EML3: variants seen among roughly 807,000 people sequenced by gnomAD.
EML3 encodes EMAP like 3.
A neutral mutation model predicts 106.7 loss-of-function variants in EML3; 53 were observed. The ratio of observed to expected loss-of-function variants is 0.50; its 90% CI spans 0.40 to 0.62. The LOEUF is 0.62. Ranked by LOEUF, EML3 falls within the 20% of genes least tolerant of loss-of-function variation. EML3 has a pLI of 0.00. For missense variants in EML3, 994 were observed against 1,209.1 expected (o/e 0.82, Z 2.64); for synonymous variants, 499 against 489.6 (o/e 1.02, Z -0.25).
At chr11:62,606,460 T>C (rs1405947190) in intron 12 of EML3, 3 of 572,002 alleles carry the variant, frequency 5.2e-6, no homozygotes, top group Admixed American at 3.1e-5. Flanking sequence ...AATCTGAACC[T>C]GAGATCTGGC....
At chr11:62,612,270 C>A in intron 1 of EML3, 166 bp downstream of exon 1, 1 of 626,414 alleles carries the variant, frequency 1.6e-6, no homozygotes, top group Non-Finnish European at 2.6e-6. Flanking sequence ...GACAGCAAGA[C>A]CCAAGCAACT....
At position 62,612,498 on chromosome 11, in the gene EML3, C is replaced by A. The variant is rs1436111868; in HGVS notation, c.-41G>T. 9.4e-6 allele frequency: 13 copies of A among 1,375,800 alleles called. No homozygotes were observed. Among genetic ancestry groups the A allele is most frequent in the Non-Finnish European group, 1.1e-5 (12 of 1,073,526 alleles). The allele number at this position is 1,375,800 out of a possible 1,614,324, so 85.2% of individuals were successfully genotyped here. A position where few individuals can be genotyped will look rare whatever the true frequency, so the allele number is the denominator to read the frequency against. On this transcript the variant is annotated 5_prime_UTR_variant, in exon 1 of 22. Coordinates refer to ENST00000394773, the MANE Select transcript of EML3 (RefSeq NM_153265.3). ...CTCCGAGCGGCGGCGGCGGAGGAGG[C>A]GTCTAAGCCGCGGGGGCCACGGCCG...
At position 62,607,114 on chromosome 11, in the gene EML3, G is replaced by A. The variant is rs574569610; in HGVS notation, c.1363-15C>T. 2 of 1,613,238 alleles carry A rather than the reference G, an allele frequency of 1.2e-6. No homozygotes were observed. Among genetic ancestry groups the A allele is most frequent in the African/African-American group, 1.3e-5 (1 of 75,036 alleles). ...TTCTTGTATTTCTAGTGGGAGGGGA[G>A]AGCAGACAGTAGAGGTCAAAGGGAA... is the stretch of plus-strand genomic sequence containing the variant. On this transcript the variant is annotated splice_polypyrimidine_tract_variant and intron_variant, in intron 11 of 21. Coordinates refer to ENST00000394773, the MANE Select transcript of EML3 (RefSeq NM_153265.3).
At position 62,612,557 on chromosome 11, in the gene EML3, C is replaced by A. The variant is rs1942888965; in HGVS notation, c.-100G>T. 8.4e-7 allele frequency: 1 copy of A among 1,187,600 alleles called. No homozygotes were observed. Among genetic ancestry groups the A allele is most frequent in the South Asian group, 2.3e-5 (1 of 43,220 alleles). The allele number at this position is 1,187,600 out of a possible 1,614,324, so 73.6% of individuals were successfully genotyped here. On this transcript the variant is annotated 5_prime_UTR_variant, in exon 1 of 22. Transcript: ENST00000394773. ...GGAAGGGGAAGCACCCCGGGGCGCG[C>A]GCGAAGGGCGCCGTACCACCACCCC...
In EML3 at chr11:62,603,978, T is replaced by C. The variant is rs1334052063; in HGVS notation, c.2135A>G (p.Asp712Gly). 6.2e-7 allele frequency: 1 copy of C among 1,614,022 alleles called. No individual in the cohort carries two copies. The highest frequency in any genetic ancestry group is 8.5e-7 in the Non-Finnish European group (1 of 1,180,018). ...GCCAAAGCGGCTGGATTTGGCACCA[T>C]CACTGGAAACACTATAGATGTAGAT... ...NVIYIYSVSSDGAKSSRFGRC... is the reference protein window; with the variant it reads ...NVIYIYSVSSGGAKSSRFGRC... The change falls in exon 18 of 22, where the codon GAT becomes GGT. Residue 712 changes from aspartate (D) to glycine (G), a missense_variant. By Grantham distance (94) the Asp-to-Gly change is moderately conservative. Transcript: ENST00000394773.
rs200686766 is a variant in EML3 at position 62,610,933 on chromosome 11, G to A, written c.512C>T (p.Ser171Phe). The A allele has an allele frequency of 6.2e-7, 1 of 1,613,438 alleles. No individual in the cohort carries two copies. The highest frequency in any genetic ancestry group is 1.3e-5 in the African/African-American group (1 of 74,992). Reference sequence around the variant, plus strand: ...GTTGGCGGAGGAGATTGCCTTCCTGGAGAGCTTCTGCCGAGGCCGCTCTGA... The same window carrying A: ...GTTGGCGGAGGAGATTGCCTTCCTGAAGAGCTTCTGCCGAGGCCGCTCTGA... ...SPSERPRQKL[S>F]RKAISSANLL... The change falls in exon 4 of 22, where the codon TCC (serine) becomes TTC (phenylalanine). Residue 171 changes from serine to phenylalanine, a missense_variant. By Grantham distance (155) the Ser-to-Phe change is radical (BLOSUM62 -2). Around this residue, in one of 3 missense-constraint regions of EML3, gnomAD observed 269 missense variants for 265.1 expected, o/e 1.01. Transcript: ENST00000394773.
Position 62,606,180 on chromosome 11 carries a change from A to C in EML3, c.1539T>G (p.His513Gln). 1 of 1,614,020 alleles carries C rather than the reference A, an allele frequency of 6.2e-7. No homozygotes were observed. Among genetic ancestry groups the C allele is most frequent in the Non-Finnish European group, 8.5e-7 (1 of 1,180,038 alleles). The change falls in exon 13 of 22, where the codon CAT becomes CAG. Residue 513 changes from histidine (H) to glutamine (Q), a missense_variant. His to Gln is a conservative substitution (Grantham distance 24, BLOSUM62 0). Coordinates refer to ENST00000394773, the MANE Select transcript of EML3 (RefSeq NM_153265.3). ...GACACAAGGCGAAGATAGAACCTTC[A>C]TGAGCGTGAGCCTGGGCCACAATCC... ...TYGIVAQAHA[H>Q]EGSIFALCLR...
In EML3 at chr11:62,607,107, G is replaced by T. The variant is rs1244748061; in HGVS notation, c.1363-8C>A. ...CTTGGGTTTCTTGTATTTCTAGTGG[G>T]AGGGGAGAGCAGACAGTAGAGGTCA... On this transcript the variant is annotated splice_region_variant and splice_polypyrimidine_tract_variant and intron_variant, in intron 11 of 21. Coordinates refer to ENST00000394773, the MANE Select transcript of EML3 (RefSeq NM_153265.3). 8.1e-6 allele frequency: 13 copies of T among 1,613,566 alleles called. No individual in the cohort carries two copies. The South Asian group carries it at 1.4e-4, about 18-fold the overall frequency.
intron 12 of EML3, 134 bp downstream of exon 12, chr11:62,606,824 T>C: frequency 9.7e-7 from 1 of 1,034,996 alleles, no homozygotes; most frequent in Non-Finnish European, 1.3e-6. Flanking sequence ...GCCACTGCAA[T>C]CCAGCCTGGG....
intron 1 of EML3, 115 bp downstream of exon 1, chr11:62,612,321 C>T (rs2134415893): frequency 9.4e-7 from 1 of 1,068,134 alleles, no homozygotes. Context: ...TGCTCGGAGC[C>T]CCTGGGGCGG....
chr11:62,609,298 A>G, intron 6 of EML3, 56 bp downstream of exon 6: 1 of 1,541,150 alleles, frequency 6.5e-7, no homozygotes, highest in East Asian at 2.3e-5. Flanking sequence ...TGTAAAGGTA[A>G]GAGGGGTCCC....
rs1006201015 is a variant in EML3, at chr11:62,602,297, C to A, written c.*178G>T. 1.9e-6 allele frequency: 3 copies of A among 1,550,244 alleles called. No homozygotes were observed. The highest frequency in any genetic ancestry group is 1.4e-5 in the African/African-American group (1 of 72,962). ...GGCTGGGGCTGCCCGGCTCAGCCAG[C>A]GGGTCTAAACAGTGTGTGCAGGGGC... is the stretch of plus-strand genomic sequence containing the variant. On this transcript the variant is annotated 3_prime_UTR_variant, in exon 22 of 22. Transcript: ENST00000394773.
rs1322553309 is a variant in EML3, at chr11:62,602,876, G to A, written c.2370C>T (p.Asp790=). ...AGTTGATGTCGGTCCCATCGGAGCC[G>A]TCCGGCCAGACGCCTAGCACAGCGG... ...LGFHVYGVWP[D]GSDGTDINSL... is the part of the protein sequence containing the mutation. Residue 790 remains aspartate (D), a synonymous_variant, in exon 21 of 22, where the codon GAC becomes GAT. Coordinates refer to ENST00000394773, the MANE Select transcript of EML3 (RefSeq NM_153265.3). The A allele has an allele frequency of 1.9e-6, 3 of 1,578,694 alleles. No individual in the cohort carries two copies. The highest frequency in any genetic ancestry group is 2.6e-6 in the Non-Finnish European group (3 of 1,162,044).
chr11:62,602,928 C>T (rs1255738644), intron 20 of EML3, 39 bp from the exon 21 acceptor site: 1 of 1,497,050 alleles, frequency 6.7e-7, no homozygotes, highest in Non-Finnish European at 8.9e-7. Context: ...CTCCTACCCA[C>T]CGCCACCCAC....
Position 62,611,464 on chromosome 11 carries a change from G to A in EML3, c.155C>T (p.Ser52Phe). The change falls in exon 2 of 22, where the codon TCC becomes TTC. Residue 52 changes from serine (S) to phenylalanine (F), a missense_variant. Coordinates refer to ENST00000394773, the MANE Select transcript of EML3 (RefSeq NM_153265.3). ...RLLRLQVPPS[S>F]LQGSGTPAPP... ...AGCTGGTGTGCCAGAGCCCTGCAGG[G>A]AGGAAGGGGGCACCTGCAGCCGCAG... The A allele has an allele frequency of 6.2e-7, 1 of 1,613,866 alleles. No individual in the cohort carries two copies. The highest frequency in any genetic ancestry group is 8.5e-7 in the Non-Finnish European group (1 of 1,179,934).
intron 19 of EML3, among the ~76,000 whole-genome samples, chr11:62,603,509 CCAAA>C (rs900282568): frequency 5.9e-5 from 9 of 152,164 alleles, no homozygotes; most frequent in Admixed American, 1.3e-4. Flanking sequence ...GAAACTTTTC[CCAAA>C]CAATCTTTTC....
rs753417474 is a variant in EML3, at chr11:62,609,455, G to A, written c.657C>T (p.Phe219=). The A allele has an allele frequency of 6.3e-7, 1 of 1,584,098 alleles. No homozygotes were observed. Among genetic ancestry groups the A allele is most frequent in the Non-Finnish European group, 8.6e-7 (1 of 1,164,902 alleles). ...ACATGGTAATGGGGCGCCCTCGAAG[G>A]AACATCTTCACTGAGATGCCTTCTA... The part of the protein sequence containing the change: ...YNLEGISVKM[F]LRGRPITMYI... The change falls in exon 6 of 22, where the codon TTC becomes TTT. Residue 219 remains phenylalanine (F), a synonymous_variant. Coordinates refer to ENST00000394773, the MANE Select transcript of EML3 (RefSeq NM_153265.3).
chr11:62,602,429 G>A lies in EML3; in HGVS notation c.*46C>T, dbSNP rs571627255. On this transcript the variant is annotated 3_prime_UTR_variant, in exon 22 of 22. Coordinates refer to ENST00000394773, the MANE Select transcript of EML3 (RefSeq NM_153265.3). Reference sequence around the variant, plus strand: ...GGATTGGGCCAGGGAAGGGCAGGGCGGGGCGGGGCCACGCCGCCGGGCCAG... The same window carrying A: ...GGATTGGGCCAGGGAAGGGCAGGGCAGGGCGGGGCCACGCCGCCGGGCCAG... The A allele has an allele frequency of 5.8e-6, 9 of 1,543,578 alleles. No homozygotes were observed. In the Admixed American group the frequency reaches 5.9e-5, roughly 10 times the overall value.
Position 62,604,049 on chromosome 11 carries a change from TAC to T in EML3, c.2072-10_2072-9del. The T allele has an allele frequency of 6.2e-7, 1 of 1,613,928 alleles. No homozygotes were observed. Among genetic ancestry groups the T allele is most frequent in the Non-Finnish European group, 8.5e-7 (1 of 1,179,996 alleles). ...TGGCCAGGTACAACCCATCTGCAAA[TAC>T]AGTCACTCAGAGAGGGAAGGGCCAG... On this transcript the variant is annotated splice_polypyrimidine_tract_variant and intron_variant, in intron 17 of 21. Transcript: ENST00000394773.
Sources: allele counts gnomAD v4.1 joint callset (sites outside exome capture counted in the v4.1 genomes callset), GRCh38; gene constraint gnomAD v4.1.1; regional missense constraint gnomAD v4.1.1; transcripts MANE v1.5; gene names NCBI Gene and HGNC (gene_info 2026-07-23, HGNC 2026-07-21).